Variants in TMEM132B observed in about 807,000 individuals in gnomAD.
TMEM132B encodes the protein transmembrane protein 132B.
In TMEM132B, 18 loss-of-function variants were observed where a neutral mutation model predicts 90.8. The ratio of observed to expected loss-of-function variants is 0.20; its 90% confidence interval spans 0.14 to 0.29. The LOEUF is 0.29. Ranked by LOEUF, TMEM132B falls within the 10% of genes least tolerant of loss-of-function variation. The pLI is 1.00. For synonymous variants in TMEM132B, 504 were observed against 523.3 expected (o/e 0.96, Z 0.50); for missense variants, 1,096 against 1,326.8 (o/e 0.83, Z 2.70).
intron 1 of TMEM132B, among the ~76,000 whole-genome samples, chr12:125,253,103 A>C (rs532236845): frequency 6.6e-6 from 1 of 152,318 alleles, no homozygotes; most frequent in Admixed American, 6.5e-5. Flanking sequence ...GTCACTGCAA[A>C]GGAGCTTGGC....
chr12:125,193,843 G>A (rs908079649), intron 1 of TMEM132B, among the ~76,000 whole-genome samples: 1 of 152,212 alleles, frequency 6.6e-6, no homozygotes, highest in South Asian at 2.1e-4. Context: ...GTGAAGCAGT[G>A]GACAAAGAAA....
chr12:125,394,231 T>C (rs1432799092), intron 2 of TMEM132B, among the ~76,000 whole-genome samples: 2 of 152,210 alleles, frequency 1.3e-5, no homozygotes, highest in Non-Finnish European at 2.9e-5. Context: ...AGAGGTTAAG[T>C]AACTTGCCCA....
At chr12:125,557,546 A>G (rs1021735966) in intron 4 of TMEM132B, among the ~76,000 whole-genome samples, 1 of 152,166 alleles carries the variant, frequency 6.6e-6, no homozygotes, top group East Asian at 1.9e-4. Flanking sequence ...TACTATCCAT[A>G]TTAAGTAAAA....
At chr12:125,292,453 G>C (rs906883729) in intron 1 of TMEM132B, among the ~76,000 whole-genome samples, 8 of 152,224 alleles carry the variant, frequency 5.3e-5, no homozygotes, top group Non-Finnish European at 1.0e-4. Flanking sequence ...GTTTGGTCAT[G>C]AAAGTAAGGA....
intron 2 of TMEM132B, among the ~76,000 whole-genome samples, chr12:125,399,843 G>A (rs1879266042): frequency 6.6e-6 from 1 of 152,144 alleles, no homozygotes. Context: ...TTGCATTGTA[G>A]AAGCTATCAT....
chr12:125,303,827 GGTT>G (rs1368964108), intron 1 of TMEM132B, among the ~76,000 whole-genome samples: 2 of 152,036 alleles, frequency 1.3e-5, no homozygotes, highest in African/African-American at 4.8e-5. Context: ...TTTTTAATTG[GGTT>G]GTTTGTCTTT....
At chr12:125,359,054 C>G (rs1439462863) in intron 2 of TMEM132B, among the ~76,000 whole-genome samples, 1 of 152,156 alleles carries the variant, frequency 6.6e-6, no homozygotes, top group Non-Finnish European at 1.5e-5. Context: ...CACAAAACTC[C>G]TGACTCCGTA....
chr12:125,258,913 A>G (rs141104060), intron 1 of TMEM132B, among the ~76,000 whole-genome samples: 72 of 152,268 alleles, frequency 4.7e-4, no homozygotes, highest in African/African-American at 1.6e-3. Flanking sequence ...CATCCTTGGA[A>G]AGATCCAGAG....
chr12:125,600,032 T>C (rs1394043355), intron 5 of TMEM132B, among the ~76,000 whole-genome samples: 2 of 152,128 alleles, frequency 1.3e-5, no homozygotes, highest in Non-Finnish European at 2.9e-5. Flanking sequence ...TGATGGTTAT[T>C]TCAGCCAAGG....
chr12:125,652,756 G>C (rs904402490), intron 8 of TMEM132B, 124 bp downstream of exon 8: 2 of 1,175,620 alleles, frequency 1.7e-6, no homozygotes. Context: ...GAAGCTTCTT[G>C]CTTCTTATCC....
At chr12:125,200,915 T>C (rs189512248) in intron 1 of TMEM132B, among the ~76,000 whole-genome samples, 4 of 152,204 alleles carry the variant, frequency 2.6e-5, no homozygotes, top group African/African-American at 7.2e-5. Flanking sequence ...CATCTACTCA[T>C]GGCATTTCTC....
chr12:125,491,892 A>G (rs951757473), intron 3 of TMEM132B, among the ~76,000 whole-genome samples: 8 of 152,240 alleles, frequency 5.3e-5, no homozygotes, highest in African/African-American at 1.9e-4. Flanking sequence ...TGAAATAAAC[A>G]CAATATTTAA....
intron 3 of TMEM132B, among the ~76,000 whole-genome samples, chr12:125,474,109 G>A (rs866338276): frequency 2.5e-4 from 28 of 112,484 alleles, no homozygotes; most frequent in African/African-American, 8.8e-4. Flanking sequence ...CCTTTCTTCC[G>A]TCTTTCTGTC....
At chr12:125,612,449 A>C (rs1304310482) in intron 5 of TMEM132B, among the ~76,000 whole-genome samples, 2 of 151,708 alleles carry the variant, frequency 1.3e-5, no homozygotes, top group Non-Finnish European at 2.9e-5. Context: ...TGGGCACCAG[A>C]GCGAGACTCC....
At chr12:125,434,637 G>A (rs910184269) in intron 3 of TMEM132B, among the ~76,000 whole-genome samples, 8 of 152,176 alleles carry the variant, frequency 5.3e-5, no homozygotes, top group Admixed American at 1.3e-4. Context: ...GTGGTCAGAC[G>A]TCGCGTTCCA....
At chr12:125,295,393 G>A (rs183966885) in intron 1 of TMEM132B, among the ~76,000 whole-genome samples, 4 of 152,322 alleles carry the variant, frequency 2.6e-5, no homozygotes, top group African/African-American at 9.6e-5. Flanking sequence ...AGCTGGAAGG[G>A]AACGTGGACA....
chr12:125,243,152 A>AT (rs11345249), intron 1 of TMEM132B, among the ~76,000 whole-genome samples: 20 of 141,050 alleles, frequency 1.4e-4, no homozygotes, highest in Non-Finnish European at 2.6e-4. Flanking sequence ...TATATATATA[A>AT]TTTTTTTTTT....
intron 4 of TMEM132B, among the ~76,000 whole-genome samples, chr12:125,551,791 G>T (rs1343342256): frequency 6.6e-6 from 1 of 152,150 alleles, no homozygotes; most frequent in African/African-American, 2.4e-5. Context: ...ATCTGGGGTG[G>T]CTCAGCTGGG....
chr12:125,601,760 A>T (rs1465187019), intron 5 of TMEM132B, among the ~76,000 whole-genome samples: 1 of 151,534 alleles, frequency 6.6e-6, no homozygotes, highest in African/African-American at 2.4e-5. Flanking sequence ...AATAGACACA[A>T]TAAAAAATGA....
Sources: gnomAD v4.1 joint callset for allele counts (sites outside exome capture counted in the v4.1 genomes callset) on GRCh38, gnomAD v4.1.1 for gene constraint, MANE v1.5 for transcripts, NCBI Gene and HGNC (gene_info 2026-07-23, HGNC 2026-07-21) for gene names.